Variants in DPF3 observed in about 807,000 individuals in gnomAD.
The protein encoded by DPF3 is zinc finger protein DPF3.
A neutral mutation model predicts 56.8 loss-of-function variants in DPF3; 18 were observed. The observed-to-expected ratio is 0.32, with a 90% confidence interval of 0.22 to 0.47. The LOEUF is 0.47. Among genes scored for constraint, DPF3 ranks in the 20% least tolerant of loss-of-function variants. DPF3 has a pLI of 1.00. For missense variants in DPF3, 403 were observed against 488.8 expected, an observed-to-expected ratio of 0.82 and a Z score of 1.65; for synonymous variants, 188 against 180.2, an observed-to-expected ratio of 1.04 and a Z score of -0.35.
rs56335418 is a variant in DPF3, at chr14:72,663,166, C to CAAAAAAAA, written c.871+11066_871+11073dup. On this transcript the variant is annotated intron_variant, in intron 8 of 10. Coordinates refer to ENST00000556509, the MANE Select transcript of DPF3 (RefSeq NM_001280542.3). ...TGTAGCAGGCAGAACTGGGTGTTAG[C>CAAAAAAAA]AAAAAAAAAAAAAAAAAATTCCCCT... Among the ~76,000 whole-genome samples, 31 of 88,542 alleles carry CAAAAAAAA rather than the reference C, an allele frequency of 3.5e-4. 6 individuals carry two copies. The highest frequency in any genetic ancestry group is 5.8e-4 in the East Asian group (1 of 1,736). 58.1% of individuals were successfully genotyped at this position (88,542 alleles called of 152,430 possible). A position where few individuals can be genotyped will look rare whatever the true frequency, so the allele number is the denominator to read the frequency against.
intron 1 of DPF3, among the ~76,000 whole-genome samples, chr14:72,855,175 C>CA (rs1212610005): frequency 6.6e-6 from 1 of 152,180 alleles, no homozygotes; most frequent in East Asian, 1.9e-4. Flanking sequence ...CGGTGACGAT[C>CA]ACGCCTATTT....
At chr14:72,695,890 T>C (rs1304776739) in intron 6 of DPF3, among the ~76,000 whole-genome samples, 7 of 152,144 alleles carry the variant, frequency 4.6e-5, no homozygotes, top group Admixed American at 4.6e-4. Flanking sequence ...TCATATATTC[T>C]CTCTTCCTCT....
chr14:72,647,513 C>A (rs1033029005), intron 8 of DPF3, among the ~76,000 whole-genome samples: 2 of 152,150 alleles, frequency 1.3e-5, no homozygotes, highest in African/African-American at 4.8e-5. Context: ...AAGATAAGAT[C>A]TTTTAGAAGA....
chr14:72,861,434 G>A (rs765704944), intron 1 of DPF3, among the ~76,000 whole-genome samples: 15 of 152,204 alleles, frequency 9.9e-5, no homozygotes, highest in Non-Finnish European at 2.1e-4. Context: ...CTCTCAATAT[G>A]TTGAGTATGT....
intron 7 of DPF3, among the ~76,000 whole-genome samples, chr14:72,679,454 G>C (rs1462503764): frequency 6.6e-6 from 1 of 150,908 alleles, no homozygotes; most frequent in African/African-American, 2.4e-5. Context: ...CCACCACCCA[G>C]CCCCAGCCCC....
At chr14:72,705,513 C>T (rs1888363689) in intron 6 of DPF3, among the ~76,000 whole-genome samples, 1 of 152,086 alleles carries the variant, frequency 6.6e-6, no homozygotes, top group South Asian at 2.1e-4. Flanking sequence ...GCCCCTGGTC[C>T]GTGGAAAAAT....
intron 4 of DPF3, among the ~76,000 whole-genome samples, chr14:72,729,611 T>C (rs774842088): frequency 2.0e-5 from 3 of 152,144 alleles, no homozygotes; most frequent in African/African-American, 7.2e-5. Context: ...AAATGAGCTA[T>C]CTGGCCATGA....
chr14:72,756,393 C>G (rs1053838701), intron 2 of DPF3, among the ~76,000 whole-genome samples: 1 of 152,156 alleles, frequency 6.6e-6, no homozygotes, highest in African/African-American at 2.4e-5. Flanking sequence ...TTAGCAGACT[C>G]CAGACAAATA....
At chr14:72,842,655 CAT>C (rs747490758) in intron 1 of DPF3, among the ~76,000 whole-genome samples, 1 of 152,162 alleles carries the variant, frequency 6.6e-6, no homozygotes, top group Non-Finnish European at 1.5e-5. Context: ...GGGTGGTGAA[CAT>C]ATGTGCACTT....
At chr14:72,656,556 T>C (rs76745624) in intron 8 of DPF3, among the ~76,000 whole-genome samples, 3,015 of 152,326 alleles carry the variant, frequency 0.02, 111 homozygotes, top group African/African-American at 0.069. Flanking sequence ...AACCAAACGA[T>C]GTGTGTCGTT....
At chr14:72,848,429 T>C (rs542098589) in intron 1 of DPF3, among the ~76,000 whole-genome samples, 47 of 152,334 alleles carry the variant, frequency 3.1e-4, no homozygotes, top group African/African-American at 1.1e-3. Flanking sequence ...CCTCCCAAAG[T>C]GCTGAGATTA....
chr14:72,692,454 G>A (rs759161141), intron 7 of DPF3, among the ~76,000 whole-genome samples: 21 of 152,132 alleles, frequency 1.4e-4, no homozygotes, highest in African/African-American at 4.3e-4. Context: ...GCAGAGAAAC[G>A]GAAACACAAA....
intron 7 of DPF3, among the ~76,000 whole-genome samples, chr14:72,683,974 A>C (rs1185311885): frequency 6.6e-6 from 1 of 152,138 alleles, no homozygotes; most frequent in African/African-American, 2.4e-5. Context: ...CAAGATGAGG[A>C]GTTTGGGTTG....
chr14:72,621,867 C>T (rs1884471302), intron 9 of DPF3, among the ~76,000 whole-genome samples: 1 of 152,140 alleles, frequency 6.6e-6, no homozygotes, highest in Non-Finnish European at 1.5e-5. Context: ...GATGATACAG[C>T]CACCCAATGG....
chr14:72,629,851 C>A (rs545558219), intron 8 of DPF3, 115 bp from the exon 9 acceptor site: 3 of 859,566 alleles, frequency 3.5e-6, no homozygotes, highest in Admixed American at 2.2e-5. Context: ...GGTAGCATGA[C>A]GTAGGGAAAA....
intron 6 of DPF3, among the ~76,000 whole-genome samples, chr14:72,701,551 CG>C (rs1368699440): frequency 1.3e-5 from 2 of 152,058 alleles, no homozygotes; most frequent in African/African-American, 4.8e-5. Flanking sequence ...GGGCGGGGGT[CG>C]GGGGGAGCAG....
chr14:72,861,755 G>T (rs1460759845), intron 1 of DPF3, among the ~76,000 whole-genome samples: 1 of 137,566 alleles, frequency 7.3e-6, no homozygotes, highest in Non-Finnish European at 1.6e-5. Context: ...AAGAAAGAAA[G>T]AAAGAAAGAA....
rs1289504709 is a variant in DPF3 at position 72,620,108 on chromosome 14, CA to C, written c.985-125del. On this transcript the variant is annotated intron_variant, in intron 9 of 10. Transcript: ENST00000556509. ...CTCACTGGATCCCCTTTCCAGGCCC[CA>C]CTTGGAGTCCTCACTGTCCCCTGAA... 1.8e-5 allele frequency: 17 copies of C among 951,388 alleles called. No homozygotes were observed. The Middle Eastern group carries it at 1.1e-3, about 60-fold the overall frequency. 58.9% of individuals were successfully genotyped at this position (951,388 alleles called of 1,614,324 possible).
At chr14:72,626,876 A>G (rs1884864755) in intron 9 of DPF3, among the ~76,000 whole-genome samples, 1 of 151,934 alleles carries the variant, frequency 6.6e-6, no homozygotes, top group African/African-American at 2.4e-5. Context: ...CCATCTGATA[A>G]GTAAGAAATG....
Sources: allele counts gnomAD v4.1 joint callset (sites outside exome capture counted in the v4.1 genomes callset), GRCh38; gene constraint gnomAD v4.1.1; transcripts MANE v1.5; gene names NCBI Gene and HGNC (gene_info 2026-07-23, HGNC 2026-07-21).